RTBDN: variants seen among roughly 807,000 people sequenced by gnomAD.
The protein encoded by RTBDN is retbindin.
In RTBDN, 24 loss-of-function variants were observed where a neutral mutation model predicts 21.9. That is an observed-to-expected ratio of 1.10 (90% CI 0.79 to 1.54). RTBDN has a LOEUF of 1.54. Ranked by LOEUF, RTBDN falls within the 40% of genes most tolerant of loss-of-function variation. RTBDN has a pLI of 0.00. For synonymous variants in RTBDN, 141 were observed against 125.9 expected (o/e 1.12, Z -0.80); for missense variants, 325 against 315.2 (o/e 1.03, Z -0.23).
At chr19:12,826,134 A>C in intron 5 of RTBDN, 1 of 1,384,328 alleles carries the variant, frequency 7.2e-7, no homozygotes, top group East Asian at 2.9e-5. Context: ...TAGCGGGATG[A>C]ATCAGGGTTG....
upstream of RTBDN, chr19:12,834,761 A>G: frequency 6.2e-7 from 1 of 1,612,818 alleles, no homozygotes; most frequent in Non-Finnish European, 8.5e-7. This position sits in a 1 kb window ranked among gnomAD's most constrained non-coding sequence, Gnocchi z 4.7. Context: ...GGCGGGGACA[A>G]ACTCAGGTGT....
intron 4 of RTBDN, among the ~76,000 whole-genome samples, chr19:12,828,145 C>T (rs916114072): frequency 6.6e-6 from 1 of 150,906 alleles, no homozygotes; most frequent in African/African-American, 2.4e-5. Context: ...CGCCTGTAAT[C>T]CCAGCACTTT....
intron 1 of RTBDN, chr19:12,833,900 TCCTCCCTCCTCCCGCCGCCGCTA>T: frequency 1.3e-5 from 2 of 159,478 alleles, no homozygotes; most frequent in South Asian, 2.1e-4. Context: ...ACTCCCTCCC[TCCTCCCTCCTCCCGCCGCCGCTA>T]CCTCCCTCCT....
At chr19:12,834,590 C>A (rs1310953127), upstream of RTBDN, 4 of 1,516,470 alleles carry the variant, frequency 2.6e-6, no homozygotes, top group African/African-American at 2.8e-5. This position sits in a 1 kb window ranked among gnomAD's most constrained non-coding sequence, Gnocchi z 4.7. Flanking sequence ...ATCCGCCCCC[C>A]CACCGCGATC....
Position 12,828,701 on chromosome 19 carries a change from C to A in RTBDN, c.321G>T (p.Gly107=). 9 of 1,614,200 alleles carry A rather than the reference C, an allele frequency of 5.6e-6. No individual in the cohort carries two copies. The highest frequency in any genetic ancestry group is 7.6e-6 in the Non-Finnish European group (9 of 1,180,042). ...LRSRFRLRLL[G]VRQAQPLCEE... ...CGCAGAGCGGCTGTGCCTGGCGTAC[C>A]CCCAATAGCCGCAGGCGGAAGCGAC... The change falls in exon 4 of 6, where the codon GGG becomes GGT. Residue 107 remains glycine (G), a synonymous_variant. Transcript: ENST00000674343.
upstream of RTBDN, chr19:12,834,843 G>A (rs750783736): frequency 6.2e-7 from 1 of 1,614,084 alleles, no homozygotes; most frequent in African/African-American, 1.3e-5. The surrounding 1 kb of genome is among the most constrained non-coding windows in gnomAD (Gnocchi z 4.7). Context: ...CTTCAGCTGC[G>A]TTTCTGAGGG....
Position 12,830,550 on chromosome 19 carries a change from C to G in RTBDN, c.-18-553G>C. On this transcript the variant is annotated intron_variant, in intron 1 of 5. Coordinates refer to ENST00000674343, the MANE Select transcript of RTBDN (RefSeq NM_001270441.2). This position sits in a 1 kb window ranked among gnomAD's most constrained non-coding sequence, Gnocchi z 4.2. ...GGGGCCCAAAGCCCCGAGGCAGGGA[C>G]AGCTAGCGGTCTGTGGAGACAAGAC... The G allele has an allele frequency of 2.0e-6, 2 of 985,096 alleles. No homozygotes were observed. The highest frequency in any genetic ancestry group is 2.4e-6 in the Non-Finnish European group (2 of 829,566). 61.0% of individuals were successfully genotyped at this position (985,096 alleles called of 1,614,324 possible). A position where few individuals can be genotyped will look rare whatever the true frequency, so the allele number is the denominator to read the frequency against.
chr19:12,828,628 C>G (rs1599554204), intron 4 of RTBDN, 29 bp downstream of exon 4: 1 of 1,567,002 alleles, frequency 6.4e-7, no homozygotes, highest in Non-Finnish European at 8.7e-7. Flanking sequence ...CAAGTCACAA[C>G]CCACGCCCCT....
Position 12,825,741 on chromosome 19 carries a change from T to A in RTBDN, c.655A>T (p.Ser219Cys). The A allele has an allele frequency of 6.4e-7, 1 of 1,574,528 alleles. No individual in the cohort carries two copies. The highest frequency in any genetic ancestry group is 8.6e-7 in the Non-Finnish European group (1 of 1,159,874). Residue 219 changes from serine (S) to cysteine (C), a missense_variant, in exon 6 of 6, where the codon AGC becomes TGC. Transcript: ENST00000674343. Reference protein sequence around the residue: ...PRTSILDAAGSGSGSGSGSGP With the variant: ...PRTSILDAAGCGSGSGSGSGP ...CTGCCGCTTCCACTGCCACTCCCGC[T>A]GCCCGCAGCGTCCAGGATGGAGGTG...
chr19:12,826,087 C>T, intron 5 of RTBDN, 154 bp from the exon 6 acceptor site: 14 of 1,405,656 alleles, frequency 1.0e-5, no homozygotes, highest in Non-Finnish European at 1.3e-5. Context: ...TGAGTGGGGG[C>T]AGGTCCTTGG....
In RTBDN at chr19:12,825,824, C is replaced by T; in HGVS notation, c.572G>A (p.Arg191His). 6.2e-7 allele frequency: 1 copy of T among 1,613,328 alleles called. No homozygotes were observed. Among genetic ancestry groups the T allele is most frequent in the East Asian group, 2.2e-5 (1 of 44,846 alleles). Residue 191 changes from arginine (R) to histidine (H), a missense_variant, in exon 6 of 6, where the codon CGT (arginine) becomes CAT (histidine). By Grantham distance (29) the Arg-to-His change is conservative. Coordinates refer to ENST00000674343, the MANE Select transcript of RTBDN (RefSeq NM_001270441.2). Reference sequence around the variant, plus strand: ...CCGGCCCCGTCGTCCTGGTCTGGGACGAGGTACCGCGGAGATGGAGATGTT... The same window carrying T: ...CCGGCCCCGTCGTCCTGGTCTGGGATGAGGTACCGCGGAGATGGAGATGTT... Reference protein sequence around the residue: ...CFNISISAVPRPRPGRRGREA... With the variant: ...CFNISISAVPHPRPGRRGREA...
At position 12,825,649 on chromosome 19, in the gene RTBDN, T is replaced by G; in HGVS notation, c.*57A>C. 7.3e-7 allele frequency: 1 copy of G among 1,363,712 alleles called. No homozygotes were observed. The highest frequency in any genetic ancestry group is 1.0e-6 in the Non-Finnish European group (1 of 996,770). The allele number at this position is 1,363,712 out of a possible 1,614,324, so 84.5% of individuals were successfully genotyped here. ...AGGACGAGGGGTGGGGTTCTGGGTG[T>G]CCTGAGGGGCGGGGCTGGGGGAAGG... On this transcript the variant is annotated 3_prime_UTR_variant, in exon 6 of 6. Transcript: ENST00000674343.
chr19:12,832,829 C>G (rs1448867728), intron 1 of RTBDN: 2 of 152,226 alleles, frequency 1.3e-5, no homozygotes, highest in Non-Finnish European at 2.9e-5. Flanking sequence ...TCGCTGTTAC[C>G]CAGCGACCGC....
intron 1 of RTBDN, chr19:12,832,524 C>G (rs1432535619): frequency 1.3e-5 from 2 of 152,320 alleles, no homozygotes; most frequent in African/African-American, 4.8e-5. Context: ...CTTCCCTAAT[C>G]TCAGCCCCCG....
At position 12,834,107 on chromosome 19, in the gene RTBDN, G is replaced by A. The variant is rs1969674458; in HGVS notation, c.-19+382C>T. 7.5e-6 allele frequency: 3 copies of A among 398,948 alleles called. No homozygotes were observed. Among genetic ancestry groups the A allele is most frequent in the Admixed American group, 8.7e-5 (2 of 22,894 alleles). The allele number at this position is 398,948 out of a possible 1,614,324, so 24.7% of individuals were successfully genotyped here. ...AACTTGCACTAGGGTCAGCCGGGACGCCCCCACCCATAGGTTCGGGACGCT... is the reference window on the plus strand; with the variant it reads ...AACTTGCACTAGGGTCAGCCGGGACACCCCCACCCATAGGTTCGGGACGCT... On this transcript the variant is annotated intron_variant, in intron 1 of 5. Transcript: ENST00000674343. The surrounding 1 kb of genome is among the most constrained non-coding windows in gnomAD (Gnocchi z 4.7).
At chr19:12,833,752 C>G (rs1347443760) in intron 1 of RTBDN, among the ~76,000 whole-genome samples, 1 of 134,360 alleles carries the variant, frequency 7.4e-6, no homozygotes. Context: ...CCAGCGCGGG[C>G]AGCGGTGGCT....
intron 5 of RTBDN, chr19:12,826,263 T>C: frequency 2.4e-6 from 3 of 1,252,808 alleles, no homozygotes; most frequent in Non-Finnish European, 3.0e-6. Flanking sequence ...AATGGTTTCT[T>C]GGGAAGGGCA....
At chr19:12,831,731 CAAAAT>C (rs1049664962) in intron 1 of RTBDN, among the ~76,000 whole-genome samples, 23 of 152,030 alleles carry the variant, frequency 1.5e-4, no homozygotes, top group African/African-American at 5.1e-4. Flanking sequence ...AACAAAAACT[CAAAAT>C]AAAAGACACA....
chr19:12,825,619 C>A lies in RTBDN; in HGVS notation c.*87G>T. On this transcript the variant is annotated 3_prime_UTR_variant, in exon 6 of 6. Coordinates refer to ENST00000674343, the MANE Select transcript of RTBDN (RefSeq NM_001270441.2). ...GACATCTCAAAACTATTACAGAAGG[C>A]CGAGAGGACGAGGGGTGGGGTTCTG... is the stretch of plus-strand genomic sequence containing the variant. 6.8e-7 allele frequency: 1 copy of A among 1,478,746 alleles called. No homozygotes were observed. The highest frequency in any genetic ancestry group is 1.3e-5 in the South Asian group (1 of 76,252). 91.6% of individuals were successfully genotyped at this position (1,478,746 alleles called of 1,614,324 possible).
Sources: gnomAD v4.1 joint callset for allele counts (sites outside exome capture counted in the v4.1 genomes callset) on GRCh38, gnomAD v4.1.1 for gene constraint, Gnocchi (gnomAD v3.1) non-coding constraint, MANE v1.5 for transcripts, NCBI Gene and HGNC (gene_info 2026-07-23, HGNC 2026-07-21) for gene names.